The following RHBDL2 variants were observed in gnomAD, a reference collection of about 807,000 sequenced individuals.
The protein encoded by RHBDL2 is rhomboid-related protein 2.
RHBDL2 carries 26 observed loss-of-function variants against 31.7 expected under a neutral mutation model. The ratio of observed to expected loss-of-function variants is 0.82; its 90% CI spans 0.60 to 1.14. RHBDL2 has a LOEUF of 1.14. Among genes scored for constraint, RHBDL2 ranks in the 50% most tolerant of loss-of-function variants. The probability of loss-of-function intolerance (pLI) is 0.00; values close to 1 mark genes in which losing one functional copy is unlikely to be tolerated. For missense variants in RHBDL2, 336 were observed against 364.4 expected, an observed-to-expected ratio of 0.92 and a Z score of 0.63; for synonymous variants, 123 against 127.2, an observed-to-expected ratio of 0.97 and a Z score of 0.22.
At chr1:38,911,560 A>C in intron 3 of RHBDL2, 126 bp from the exon 4 acceptor site, 1 of 647,482 alleles carries the variant, frequency 1.5e-6, no homozygotes, top group Non-Finnish European at 2.7e-6. Flanking sequence ...TCCATTTTCT[A>C]ATTTTTCTTC....
intron 6 of RHBDL2, among the ~76,000 whole-genome samples, 191 bp from the exon 7 acceptor site, chr1:38,888,215 A>G (rs1642810521): frequency 6.6e-6 from 1 of 152,186 alleles, no homozygotes; most frequent in Admixed American, 6.5e-5. Flanking sequence ...AACTATCATT[A>G]TCCCATTTTA....
rs114305647 is a variant in RHBDL2 at position 38,941,057 on chromosome 1, T to G, written c.-126+625A>C. Among the ~76,000 whole-genome samples, 802 of 152,346 alleles carry G rather than the reference T, an allele frequency of 5.3e-3. 12 individuals are homozygous for G. Among genetic ancestry groups the G allele is most frequent in the African/African-American group, 0.018 (758 of 41,580 alleles). On this transcript the variant is annotated intron_variant, in intron 1 of 7. Transcript: ENST00000372990. ...CAAATGTTTGAGCAATAAGTTTCAG[T>G]TTTCTTATTCCCAAGAGGAGCAGAA...
intron 3 of RHBDL2, among the ~76,000 whole-genome samples, chr1:38,914,496 C>A (rs1643201790): frequency 6.6e-6 from 1 of 151,792 alleles, no homozygotes; most frequent in Non-Finnish European, 1.5e-5. Flanking sequence ...TCCACCTCAG[C>A]CTCCCAAAGT....
At chr1:38,916,604 GC>G (rs112638425) in intron 2 of RHBDL2, among the ~76,000 whole-genome samples, 5 of 152,134 alleles carry the variant, frequency 3.3e-5, no homozygotes, top group African/African-American at 1.2e-4. Flanking sequence ...CAGCCCTTTG[GC>G]GGGAGGCTGA....
intron 1 of RHBDL2, among the ~76,000 whole-genome samples, chr1:38,927,829 T>G (rs1444088556): frequency 6.6e-6 from 1 of 152,230 alleles, no homozygotes; most frequent in Non-Finnish European, 1.5e-5. Flanking sequence ...TTTACCACTT[T>G]GTAAAGCAGG....
At chr1:38,899,709 G>A (rs1036336494) in intron 4 of RHBDL2, among the ~76,000 whole-genome samples, 2 of 152,222 alleles carry the variant, frequency 1.3e-5, no homozygotes, top group Non-Finnish European at 2.9e-5. Flanking sequence ...TGGGTGGAGT[G>A]ATTGCCTTTG....
chr1:38,925,968 T>C, intron 1 of RHBDL2: 1 of 1,271,512 alleles, frequency 7.9e-7, no homozygotes, highest in African/African-American at 1.5e-5. Flanking sequence ...ATTGCAAGTG[T>C]TGAATCTGCA....
chr1:38,888,267 T>G (rs56066659), intron 6 of RHBDL2, among the ~76,000 whole-genome samples: 2 of 151,852 alleles, frequency 1.3e-5, no homozygotes, highest in Admixed American at 1.3e-4. Flanking sequence ...CCTCTATGTG[T>G]CAGGCATTAT....
At chr1:38,933,943 GT>G (rs1643464850) in intron 1 of RHBDL2, among the ~76,000 whole-genome samples, 2 of 152,138 alleles carry the variant, frequency 1.3e-5, no homozygotes, top group South Asian at 4.2e-4. Context: ...GGCTGGGCTG[GT>G]CTCAAAATCC....
Position 38,915,582 on chromosome 1 carries a change from T to G in RHBDL2, c.375A>C (p.Ser125=), listed in dbSNP as rs773178975. 2.8e-5 allele frequency: 45 copies of G among 1,613,574 alleles called. 1 individual carries two copies. The East Asian group carries it at 9.4e-4, about 34-fold the overall frequency. ...CTTACCCAGCATGTACCAGCATGTA[T>G]GAGATAAACCTCCAGGCTTCCTCCC... ...EKREEAWRFI[S]YMLVHAGVQH... The change falls in exon 3 of 8, where the codon TCA becomes TCC. Residue 125 remains serine, a synonymous_variant. Transcript: ENST00000372990.
intron 1 of RHBDL2, among the ~76,000 whole-genome samples, chr1:38,931,928 T>C (rs1643443642): frequency 6.6e-6 from 1 of 151,968 alleles, no homozygotes; most frequent in Non-Finnish European, 1.5e-5. Flanking sequence ...AGAGATATGG[T>C]TTGGGTTTGT....
intron 1 of RHBDL2, among the ~76,000 whole-genome samples, chr1:38,939,434 G>A (rs1251361737): frequency 6.6e-6 from 1 of 152,136 alleles, no homozygotes. Context: ...GGCCAAGGCA[G>A]GTGGATCACT....
chr1:38,905,298 C>G (rs1376688225), intron 4 of RHBDL2, among the ~76,000 whole-genome samples: 1 of 151,834 alleles, frequency 6.6e-6, no homozygotes, highest in Non-Finnish European at 1.5e-5. Context: ...CTACTGAACT[C>G]AGGCAATCCT....
chr1:38,924,487 G>A (rs191175446), intron 1 of RHBDL2, among the ~76,000 whole-genome samples: 5 of 152,038 alleles, frequency 3.3e-5, no homozygotes, highest in African/African-American at 7.2e-5. Context: ...CCAGCTACTC[G>A]GGAGGCTGAA....
intron 1 of RHBDL2, among the ~76,000 whole-genome samples, chr1:38,940,915 G>A (rs1010721686): frequency 6.6e-6 from 1 of 152,070 alleles, no homozygotes; most frequent in Non-Finnish European, 1.5e-5. Context: ...AATTATAGCT[G>A]AGGAAACTGA....
rs748165130 is a variant in RHBDL2, at chr1:38,915,574, A to G, written c.383T>C (p.Leu128Pro). 6.2e-6 allele frequency: 10 copies of G among 1,614,176 alleles called. No homozygotes were observed. In the South Asian group the frequency reaches 1.1e-4, roughly 18 times the overall value. Residue 128 changes from leucine (L) to proline (P), a missense_variant, in exon 3 of 8, where the codon CTG becomes CCG. Transcript: ENST00000372990. The stretch of plus-strand genomic sequence containing the variant: ...TATCATTGCTTACCCAGCATGTACC[A>G]GCATGTATGAGATAAACCTCCAGGC... ...EEAWRFISYM[L>P]VHAGVQHILG...
At chr1:38,940,899 A>C (rs1643553087) in intron 1 of RHBDL2, among the ~76,000 whole-genome samples, 1 of 151,936 alleles carries the variant, frequency 6.6e-6, no homozygotes, top group Admixed American at 6.6e-5. Flanking sequence ...TGTCTCTTTA[A>C]AAAAAAATTA....
chr1:38,895,618 A>G (rs1463942103), intron 5 of RHBDL2, among the ~76,000 whole-genome samples: 1 of 152,178 alleles, frequency 6.6e-6, no homozygotes, highest in African/African-American at 2.4e-5. Context: ...AGCCTGGGCA[A>G]CATGGCGAAA....
Position 38,912,883 on chromosome 1 carries a change from C to CATATATAT in RHBDL2, c.396-1457_396-1450dup, listed in dbSNP as rs141150431. On this transcript the variant is annotated intron_variant, in intron 3 of 7. Coordinates refer to ENST00000372990, the MANE Select transcript of RHBDL2 (RefSeq NM_017821.5). Reference sequence around the variant, plus strand: ...AGGAAGCTAAGTAACTACCATATACCATATATATATATATATATATATATA... The same window carrying CATATATAT: ...AGGAAGCTAAGTAACTACCATATACCATATATATATATATATATATATATATATATATA... 2.8e-3 allele frequency among the ~76,000 whole-genome samples: 300 copies of CATATATAT among 106,526 alleles called. 6 individuals carry two copies. Among genetic ancestry groups the CATATATAT allele is most frequent in the African/African-American group, 0.01 (210 of 20,378 alleles). The allele number at this position is 106,526 out of a possible 152,430, so 69.9% of individuals were successfully genotyped here.
Sources: gnomAD v4.1 joint callset for allele counts (sites outside exome capture counted in the v4.1 genomes callset) on GRCh38, gnomAD v4.1.1 for gene constraint, MANE v1.5 for transcripts, NCBI Gene and HGNC (gene_info 2026-07-23, HGNC 2026-07-21) for gene names.